The following IL36B variants were observed in gnomAD, a reference collection of about 807,000 sequenced individuals.
The protein encoded by IL36B is interleukin-36 beta.
Under a neutral mutation model 19.3 loss-of-function variants are expected in IL36B, and 23 were observed. That is an observed-to-expected ratio of 1.19 (90% confidence interval 0.86 to 1.69). The LOEUF (loss-of-function observed/expected upper bound fraction) is 1.69. IL36B is among the 40% of genes most tolerant of loss of function. The pLI is 0.00. For synonymous variants in IL36B, 59 were observed against 59.7 expected (o/e 0.99, Z 0.05); for missense variants, 217 against 200.5 (o/e 1.08, Z -0.50).
At chr2:113,047,766 G>T (rs1685373228) in intron 1 of IL36B, among the ~76,000 whole-genome samples, 1 of 152,054 alleles carries the variant, frequency 6.6e-6, no homozygotes, top group African/African-American at 2.4e-5. Context: ...TTGTTGTAAG[G>T]TCCTTGTGGT....
intron 1 of IL36B, among the ~76,000 whole-genome samples, chr2:113,052,067 A>T (rs1393856609): frequency 6.6e-6 from 1 of 151,790 alleles, no homozygotes; most frequent in Non-Finnish European, 1.5e-5. Context: ...CTCGTGCCTC[A>T]GCCTCCCAAG....
chr2:113,045,186 GTC>G (rs575296721), intron 1 of IL36B, among the ~76,000 whole-genome samples: 195 of 152,084 alleles, frequency 1.3e-3, no homozygotes, highest in African/African-American at 4.5e-3. Context: ...TTCTGTGTGT[GTC>G]TGAAAAGACA....
chr2:113,045,262 TG>T (rs1231826639), intron 1 of IL36B, among the ~76,000 whole-genome samples: 4 of 152,186 alleles, frequency 2.6e-5, no homozygotes, highest in African/African-American at 9.6e-5. Flanking sequence ...TAATTGACAA[TG>T]TTTTTTTCAG....
chr2:113,051,544 C>T lies in IL36B; in HGVS notation c.-58+1273G>A, dbSNP rs184903076. Among the ~76,000 whole-genome samples the T allele has an allele frequency of 7.2e-5, 11 of 152,312 alleles. No individual in the cohort carries two copies. The East Asian group carries it at 1.7e-3, about 24-fold the overall frequency. On this transcript the variant is annotated intron_variant, in intron 1 of 5. Transcript: ENST00000259213. ...CCAGCCTCCCAGGCAGAGGGTGCCA[C>T]GGGGCTGAGGGCAGGCAACAAAGCC...
intron 5 of IL36B, chr2:113,022,882 G>A (rs1684888050): frequency 2.9e-6 from 2 of 689,834 alleles, no homozygotes; most frequent in Non-Finnish European, 5.1e-6. Flanking sequence ...GGAGGCTCCT[G>A]GAGGAGATTG....
intron 5 of IL36B, among the ~76,000 whole-genome samples, chr2:113,024,263 G>C (rs1444661197): frequency 6.6e-6 from 1 of 152,144 alleles, no homozygotes; most frequent in East Asian, 1.9e-4. Flanking sequence ...GTGAATATTA[G>C]AGTATCTCAT....
intron 4 of IL36B, among the ~76,000 whole-genome samples, 195 bp from the exon 5 acceptor site, chr2:113,028,310 C>T (rs1685003025): frequency 6.6e-6 from 1 of 152,106 alleles, no homozygotes; most frequent in African/African-American, 2.4e-5. Flanking sequence ...CTGGCTCCAC[C>T]CCAGGATCCT....
At chr2:113,038,342 T>C (rs1685195309) in intron 1 of IL36B, among the ~76,000 whole-genome samples, 1 of 152,218 alleles carries the variant, frequency 6.6e-6, no homozygotes. Flanking sequence ...TCTAGTATGG[T>C]CATTCTGGAC....
rs139245194 is a variant in IL36B at position 113,040,516 on chromosome 2, A to G, written c.-57-8750T>C. On this transcript the variant is annotated intron_variant, in intron 1 of 5. Coordinates refer to ENST00000259213, the MANE Select transcript of IL36B (RefSeq NM_014438.5). ...AAAATCCTAAGAAATCCACATAACA[A>G]CTACTAGAACTAATAAGTGCAAGGC... Among the ~76,000 whole-genome samples the G allele has an allele frequency of 5.8e-4, 88 of 152,326 alleles. No individual in the cohort carries two copies. The East Asian group carries it at 0.013, about 23-fold the overall frequency.
At position 113,037,752 on chromosome 2, in the gene IL36B, C is replaced by T. The variant is rs559900750; in HGVS notation, c.-57-5986G>A. 2.6e-4 allele frequency among the ~76,000 whole-genome samples: 40 copies of T among 151,828 alleles called. No individual in the cohort carries two copies. In the South Asian group the frequency reaches 8.1e-3, roughly 31 times the overall value. On this transcript the variant is annotated intron_variant, in intron 1 of 5. Coordinates refer to ENST00000259213, the MANE Select transcript of IL36B (RefSeq NM_014438.5). Reference sequence around the variant, plus strand: ...AGTTTTCTATATCCTTATGATTGTCCTTTAATATTTTCTGTCATTTTGTAC... The same window carrying T: ...AGTTTTCTATATCCTTATGATTGTCTTTTAATATTTTCTGTCATTTTGTAC...
At chr2:113,031,286 G>C (rs1375201267) in intron 2 of IL36B, 131 bp from the exon 3 acceptor site, 6 of 674,114 alleles carry the variant, frequency 8.9e-6, no homozygotes, top group Non-Finnish European at 1.3e-5. Flanking sequence ...TGGCTATAAC[G>C]ATAAATGGAG....
chr2:113,035,123 A>C (rs1195694673), intron 1 of IL36B, among the ~76,000 whole-genome samples: 1 of 152,216 alleles, frequency 6.6e-6, no homozygotes. Context: ...GACTCCATGC[A>C]AAGAAGCCAG....
In IL36B at chr2:113,052,060, G is replaced by A. The variant is rs559794483; in HGVS notation, c.-58+757C>T. 3.8e-4 allele frequency among the ~76,000 whole-genome samples: 57 copies of A among 151,206 alleles called. 1 individual carries two copies. In the Middle Eastern group the frequency reaches 0.028, roughly 73 times the overall value. ...ACCTCCTGGGATTCAAGTGATTCTCGTGCCTCAGCCTCCCAAGTAGCTGGG... is the reference window on the plus strand; with the variant it reads ...ACCTCCTGGGATTCAAGTGATTCTCATGCCTCAGCCTCCCAAGTAGCTGGG... On this transcript the variant is annotated intron_variant, in intron 1 of 5. Transcript: ENST00000259213.
At chr2:113,024,593 A>G (rs1008101794) in intron 5 of IL36B, among the ~76,000 whole-genome samples, 3 of 152,060 alleles carry the variant, frequency 2.0e-5, no homozygotes, top group African/African-American at 4.8e-5. Flanking sequence ...ATTTGAGGAC[A>G]CCTCTTGAGT....
rs752174564 is a variant in IL36B at position 113,022,782 on chromosome 2, A to C, written c.392-5T>G. On this transcript the variant is annotated splice_polypyrimidine_tract_variant and splice_region_variant and intron_variant, in intron 5 of 5. Transcript: ENST00000259213. ...AACTCTTCCACTTCTTTCTACCTGC[A>C]GGAAAGGAGAAGTATCTCCTAGGCT... The C allele has an allele frequency of 6.3e-6, 10 of 1,584,766 alleles. No homozygotes were observed. Among genetic ancestry groups the C allele is most frequent in the African/African-American group, 2.7e-5 (2 of 74,282 alleles).
At chr2:113,031,247 G>A in intron 2 of IL36B, 92 bp from the exon 3 acceptor site, 1 of 828,440 alleles carries the variant, frequency 1.2e-6, no homozygotes, top group Non-Finnish European at 2.1e-6. Flanking sequence ...TTGAGTTTCT[G>A]GAGAGAGTCT....
chr2:113,051,116 C>T (rs540328449), intron 1 of IL36B, among the ~76,000 whole-genome samples: 23 of 152,314 alleles, frequency 1.5e-4, no homozygotes, highest in African/African-American at 4.6e-4. Context: ...CGCCCCCTGC[C>T]GGTAGATCCT....
chr2:113,036,054 C>A (rs369546825), intron 1 of IL36B, among the ~76,000 whole-genome samples: 1 of 152,180 alleles, frequency 6.6e-6, no homozygotes, highest in African/African-American at 2.4e-5. Flanking sequence ...AAGAAATTCT[C>A]CTGCCTCAGC....
chr2:113,044,747 C>T (rs1685320118), intron 1 of IL36B, among the ~76,000 whole-genome samples: 3 of 152,054 alleles, frequency 2.0e-5, no homozygotes, highest in African/African-American at 2.4e-5. Context: ...AGTCTACCAT[C>T]GTGTTATTTG....
Sources: allele counts gnomAD v4.1 joint callset (sites outside exome capture counted in the v4.1 genomes callset), GRCh38; gene constraint gnomAD v4.1.1; transcripts MANE v1.5; gene names NCBI Gene and HGNC (gene_info 2026-07-23, HGNC 2026-07-21).